The following CYP19A1 variants were observed in gnomAD, a reference collection of about 807,000 sequenced individuals.
CYP19A1 encodes cytochrome P450 family 19 subfamily A member 1.
A neutral mutation model predicts 44.4 loss-of-function variants in CYP19A1; 32 were observed. That is an observed-to-expected ratio of 0.72 (90% CI 0.54 to 0.97). CYP19A1 has a LOEUF of 0.97. Ranked by LOEUF, CYP19A1 falls within the 50% of genes least tolerant of loss-of-function variation. The pLI, the probability that CYP19A1 is intolerant of heterozygous loss-of-function variation, is 0.00. For missense variants in CYP19A1, 598 were observed against 637.8 expected, an observed-to-expected ratio of 0.94 and a Z score of 0.67; for synonymous variants, 212 against 215.6, an observed-to-expected ratio of 0.98 and a Z score of 0.14.
chr15:51,260,297 G>A (rs1041942941), intron 1 of CYP19A1, among the ~76,000 whole-genome samples: 5 of 152,236 alleles, frequency 3.3e-5, no homozygotes, highest in African/African-American at 1.2e-4. Context: ...AGCATTAAAT[G>A]TGAAGTCAGG....
intron 1 of CYP19A1, among the ~76,000 whole-genome samples, chr15:51,246,800 G>A (rs1314194352): frequency 1.3e-5 from 2 of 152,210 alleles, no homozygotes; most frequent in Admixed American, 1.3e-4. Flanking sequence ...TACTGGCCCA[G>A]CAGGGAAACA....
chr15:51,338,360 T>G (rs999039049), intron 1 of CYP19A1, 135 bp downstream of exon 1: 5 of 152,210 alleles, frequency 3.3e-5, no homozygotes, highest in Non-Finnish European at 7.3e-5. Context: ...TGCGACCAAA[T>G]GTAGGGGATT....
At chr15:51,280,256 C>T (rs373651076) in intron 1 of CYP19A1, among the ~76,000 whole-genome samples, 6 of 151,948 alleles carry the variant, frequency 3.9e-5, no homozygotes, top group East Asian at 3.9e-4. Context: ...CCACCATGCC[C>T]GGCTAATTTT....
intron 1 of CYP19A1, among the ~76,000 whole-genome samples, chr15:51,325,671 C>G (rs1261680316): frequency 2.6e-5 from 4 of 151,726 alleles, no homozygotes; most frequent in Non-Finnish European, 5.9e-5. Context: ...AACCCCGTCT[C>G]TACTAAAAAT....
At chr15:51,323,022 A>G (rs907718535) in intron 1 of CYP19A1, among the ~76,000 whole-genome samples, 1 of 152,252 alleles carries the variant, frequency 6.6e-6, no homozygotes, top group African/African-American at 2.4e-5. Flanking sequence ...CACCAAATGA[A>G]TGCTGGAGCT....
chr15:51,214,571 T>G (rs7180552), intron 8 of CYP19A1, among the ~76,000 whole-genome samples: 64,717 of 152,076 alleles, frequency 0.43, 15,013 homozygotes, highest in Non-Finnish European at 0.53. Context: ...AATGATAGAC[T>G]ATCACTTCCC....
intron 1 of CYP19A1, among the ~76,000 whole-genome samples, chr15:51,284,192 T>C (rs976837562): frequency 1.3e-5 from 2 of 152,214 alleles, no homozygotes; most frequent in Non-Finnish European, 2.9e-5. Flanking sequence ...CAGGCGACTT[T>C]GGTAGTACTA....
Position 51,209,512 on chromosome 15 carries a change from A to G in CYP19A1, c.*1296T>C, listed in dbSNP as rs28757212. ...ATAAGTTTAATTTTTTAGTTTTTCA[A>G]TGACATTCAGTAGAGATAGTTATAT... is the stretch of plus-strand genomic sequence containing the variant. On this transcript the variant is annotated 3_prime_UTR_variant, in exon 10 of 10. Transcript: ENST00000396402. 0.024 allele frequency: 3,593 copies of G among 152,502 alleles called. 57 individuals are homozygous for G. Among genetic ancestry groups the G allele is most frequent in the Non-Finnish European group, 0.032 (2,163 of 68,022 alleles). The allele number at this position is 152,502 out of a possible 1,614,324, so 9.4% of individuals were successfully genotyped here. A position where few individuals can be genotyped will look rare whatever the true frequency, so the allele number is the denominator to read the frequency against.
chr15:51,308,320 C>T (rs923322002), intron 1 of CYP19A1, among the ~76,000 whole-genome samples: 2 of 152,224 alleles, frequency 1.3e-5, no homozygotes, highest in Non-Finnish European at 2.9e-5. Context: ...AGTCGGTCCT[C>T]TGTCCCCAAC....
intron 1 of CYP19A1, chr15:51,280,021 C>A (rs1449907636): frequency 6.6e-6 from 1 of 152,170 alleles, no homozygotes; most frequent in Non-Finnish European, 1.5e-5. Flanking sequence ...AACTGTTACT[C>A]CATCCTAGAC....
chr15:51,272,474 C>T (rs1381557584), intron 1 of CYP19A1, among the ~76,000 whole-genome samples: 4 of 152,150 alleles, frequency 2.6e-5, no homozygotes, highest in Non-Finnish European at 1.5e-5. Context: ...GCCTCATTGG[C>T]AGAAGAGTTT....
Position 51,218,562 on chromosome 15 carries a change from T to A in CYP19A1, c.722A>T (p.Tyr241Phe). The A allele has an allele frequency of 6.2e-7, 1 of 1,613,564 alleles. No individual in the cohort carries two copies. The highest frequency in any genetic ancestry group is 8.5e-7 in the Non-Finnish European group (1 of 1,179,760). ...PDIFFKISWL[Y>F]KKYEKSVKDL... ...TTACACAGACTTCTCATACTTTTTG[T>A]ATAGCCAAGAAATCTTAAAGAAGAT... Residue 241 changes from tyrosine (Y) to phenylalanine (F), a missense_variant, in exon 6 of 10, where the codon TAC becomes TTC. Transcript: ENST00000396402.
intron 5 of CYP19A1, among the ~76,000 whole-genome samples, chr15:51,221,120 G>T (rs2032037751): frequency 6.6e-6 from 1 of 151,932 alleles, no homozygotes; most frequent in Non-Finnish European, 1.5e-5. Context: ...TGTTCCTCTT[G>T]AGGCAATGTA....
chr15:51,328,554 G>A (rs984906788), intron 1 of CYP19A1, among the ~76,000 whole-genome samples: 2 of 109,802 alleles, frequency 1.8e-5, no homozygotes, highest in African/African-American at 4.2e-5. Flanking sequence ...AGGGGTGTGT[G>A]TGTGTGTGTG....
intron 1 of CYP19A1, among the ~76,000 whole-genome samples, chr15:51,275,007 A>G (rs1001357716): frequency 6.6e-6 from 1 of 152,106 alleles, no homozygotes; most frequent in African/African-American, 2.4e-5. Flanking sequence ...TAACTTGGTG[A>G]CATGTCACTT....
intron 1 of CYP19A1, among the ~76,000 whole-genome samples, chr15:51,297,826 A>ACACG (rs2036028613): frequency 7.1e-6 from 1 of 141,446 alleles, no homozygotes; most frequent in Admixed American, 6.9e-5. Flanking sequence ...TGACACACAC[A>ACACG]CACACACACA....
intron 5 of CYP19A1, chr15:51,222,057 C>A: frequency 1.8e-6 from 1 of 565,260 alleles, no homozygotes; most frequent in South Asian, 2.4e-5. Flanking sequence ...ATGTTAATAA[C>A]CAAACGAACT....
At chr15:51,326,213 G>A (rs1441195219) in intron 1 of CYP19A1, among the ~76,000 whole-genome samples, 1 of 152,144 alleles carries the variant, frequency 6.6e-6, no homozygotes, top group Non-Finnish European at 1.5e-5. Context: ...AAACCAGATT[G>A]CCACAGAGTA....
rs2030668931 is a variant in CYP19A1, at chr15:51,209,029, A to C, written c.*1779T>G. ...AATTTTCAAGTGAATTAATTGGGAC[A>C]CATTAAATTGCAAATCCTGGCCTTG... On this transcript the variant is annotated 3_prime_UTR_variant, in exon 10 of 10. Coordinates refer to ENST00000396402, the MANE Select transcript of CYP19A1 (RefSeq NM_000103.4). 1 of 152,162 alleles carries C rather than the reference A, an allele frequency of 6.6e-6. No individual in the cohort carries two copies. Among genetic ancestry groups the C allele is most frequent in the Non-Finnish European group, 1.5e-5 (1 of 68,022 alleles). The allele number at this position is 152,162 out of a possible 1,614,324, so 9.4% of individuals were successfully genotyped here.
Sources: allele counts gnomAD v4.1 joint callset (sites outside exome capture counted in the v4.1 genomes callset), GRCh38; gene constraint gnomAD v4.1.1; transcripts MANE v1.5; gene names NCBI Gene and HGNC (gene_info 2026-07-23, HGNC 2026-07-21).